Variants in DGCR2 observed in about 807,000 individuals in gnomAD.
DGCR2 encodes the protein DiGeorge syndrome critical region gene 2.
A neutral mutation model predicts 51.6 loss-of-function variants in DGCR2; 24 were observed. That is an observed-to-expected ratio of 0.47 (90% CI 0.34 to 0.65). The LOEUF (loss-of-function observed/expected upper bound fraction) is 0.65, where lower values mean the gene tolerates loss of function less well. Among genes scored for constraint, DGCR2 ranks in the 30% least tolerant of loss-of-function variants. DGCR2 has a pLI of 0.01. For missense variants in DGCR2, 765 were observed against 772.1 expected (o/e 0.99, Z 0.11); for synonymous variants, 340 against 315.4 (o/e 1.08, Z -0.82).
chr22:19,104,391 T>TTA (rs2083240527), intron 1 of DGCR2, among the ~76,000 whole-genome samples: 3 of 41,418 alleles, frequency 7.2e-5, no homozygotes, highest in African/African-American at 6.9e-4. Flanking sequence ...CAAGGCTGTC[T>TTA]CAAACTGAGC....
At chr22:19,050,830 G>GA (rs977351494) in intron 6 of DGCR2, among the ~76,000 whole-genome samples, 20 of 151,976 alleles carry the variant, frequency 1.3e-4, no homozygotes, top group Admixed American at 3.9e-4. Flanking sequence ...AAAATTTTAG[G>GA]AAAAAAACAC....
intron 2 of DGCR2, among the ~76,000 whole-genome samples, chr22:19,081,978 T>C (rs2082941080): frequency 6.6e-6 from 1 of 152,154 alleles, no homozygotes. Flanking sequence ...CCTTATCCTT[T>C]ACAGGCTGTA....
chr22:19,066,437 A>C (rs551538302), intron 3 of DGCR2, among the ~76,000 whole-genome samples: 145 of 152,202 alleles, frequency 9.5e-4, no homozygotes, highest in African/African-American at 3.1e-3. Context: ...AACAAACAAA[A>C]AAAAACAAAA....
chr22:19,056,308 C>T (rs1450946296), intron 6 of DGCR2: 1 of 209,300 alleles, frequency 4.8e-6, no homozygotes. Context: ...GAGCGAGACT[C>T]TGTCCCAAAA....
chr22:19,109,455 C>G (rs2083292368), intron 1 of DGCR2, among the ~76,000 whole-genome samples: 1 of 152,142 alleles, frequency 6.6e-6, no homozygotes, highest in African/African-American at 2.4e-5. Flanking sequence ...TACAACTCAG[C>G]CTTAAAAAGA....
At chr22:19,117,791 G>A (rs2083388974) in intron 1 of DGCR2, among the ~76,000 whole-genome samples, 1 of 152,114 alleles carries the variant, frequency 6.6e-6, no homozygotes, top group East Asian at 1.9e-4. Flanking sequence ...GAAAAAAAAG[G>A]AAAATTCATT....
At chr22:19,103,575 C>T (rs1273644907) in intron 1 of DGCR2, among the ~76,000 whole-genome samples, 2 of 149,730 alleles carry the variant, frequency 1.3e-5, no homozygotes, top group East Asian at 1.9e-4. Context: ...AGATTAGGCG[C>T]GCACCATCAC....
At chr22:19,117,768 T>C (rs1432408812) in intron 1 of DGCR2, among the ~76,000 whole-genome samples, 1 of 152,216 alleles carries the variant, frequency 6.6e-6, no homozygotes, top group Non-Finnish European at 1.5e-5. Flanking sequence ...AATAAAAGTT[T>C]TCTTTTTGTC....
At chr22:19,045,355 T>C (rs540551771) in intron 7 of DGCR2, 3 of 137,986 alleles carry the variant, frequency 2.2e-5, no homozygotes, top group African/African-American at 8.5e-5. Flanking sequence ...CGACTGCACT[T>C]GACTCGTCTT....
intron 2 of DGCR2, among the ~76,000 whole-genome samples, chr22:19,085,173 G>A (rs191702539): frequency 6.6e-6 from 1 of 151,246 alleles, no homozygotes; most frequent in Non-Finnish European, 1.5e-5. Context: ...TTTCTAACAC[G>A]AAGGGTTTAA....
chr22:19,089,128 C>T (rs2083049714), intron 2 of DGCR2, among the ~76,000 whole-genome samples: 1 of 152,226 alleles, frequency 6.6e-6, no homozygotes, highest in Non-Finnish European at 1.5e-5. Flanking sequence ...TAAGTGGAGC[C>T]TCCTGGGCAT....
At chr22:19,109,733 C>T (rs1473413556) in intron 1 of DGCR2, among the ~76,000 whole-genome samples, 2 of 152,104 alleles carry the variant, frequency 1.3e-5, no homozygotes, top group African/African-American at 4.8e-5. Context: ...CTACTGAACA[C>T]TGAATGAACT....
chr22:19,122,175 A>C lies in DGCR2; in HGVS notation c.32T>G (p.Leu11Arg). The part of the protein sequence containing the change: MVPKADSGAF[L>R]LLFLLVLTVT... ...AGTGAGCACGAGCAGGAAGAGCAGC[A>C]GGAAGGCGCCGCTGTCTGCCTTGGG... The change falls in exon 1 of 10, where the codon CTG becomes CGG. Residue 11 changes from leucine (L) to arginine (R), a missense_variant. Physicochemically the swap from Leu to Arg is moderately radical, Grantham distance 102. Coordinates refer to ENST00000263196, the MANE Select transcript of DGCR2 (RefSeq NM_005137.3). 6.6e-7 allele frequency: 1 copy of C among 1,511,818 alleles called. No homozygotes were observed. The highest frequency in any genetic ancestry group is 2.1e-5 in the Admixed American group (1 of 46,722). The allele number at this position is 1,511,818 out of a possible 1,614,324, so 93.7% of individuals were successfully genotyped here. A position where few individuals can be genotyped will look rare whatever the true frequency, so the allele number is the denominator to read the frequency against.
chr22:19,121,815 C>A, intron 1 of DGCR2: 1 of 208,750 alleles, frequency 4.8e-6, no homozygotes. Flanking sequence ...GCCACTGTCC[C>A]CAGCCCGACT....
Position 19,041,968 on chromosome 22 carries a change from G to A in DGCR2, c.1007-9C>T, listed in dbSNP as rs372932177. On this transcript the variant is annotated splice_polypyrimidine_tract_variant and intron_variant, in intron 7 of 9. Transcript: ENST00000263196. The stretch of plus-strand genomic sequence containing the variant: ...AAACAGACTGTTGCCATCTGAGGGG[G>A]AGGGGAGGAAATGGCCGCTCTGAGA... The A allele has an allele frequency of 6.2e-6, 10 of 1,611,044 alleles. No individual in the cohort carries two copies. In the Admixed American group the frequency reaches 1.3e-4, roughly 22 times the overall value.
Position 19,038,780 on chromosome 22 carries a change from CA to C in DGCR2, c.*84del. 1.3e-6 allele frequency: 2 copies of C among 1,541,890 alleles called. No homozygotes were observed. The highest frequency in any genetic ancestry group is 2.3e-5 in the East Asian group (1 of 44,148). ...GCAGTGCGTGGCGTCCAGGCTGGGACAGGGGCCTTTCAAGTCTCCCCAGGGA... is the reference window on the plus strand; with the variant it reads ...GCAGTGCGTGGCGTCCAGGCTGGGACGGGGCCTTTCAAGTCTCCCCAGGGA... On this transcript the variant is annotated 3_prime_UTR_variant, in exon 10 of 10. Transcript: ENST00000263196.
intron 7 of DGCR2, among the ~76,000 whole-genome samples, chr22:19,042,600 A>G (rs6518516): frequency 0.41 from 62,812 of 152,086 alleles, 13,417 homozygotes; most frequent in African/African-American, 0.53. Flanking sequence ...CGGCTGCCGT[A>G]GGGAGGACAG....
intron 1 of DGCR2, 155 bp downstream of exon 1, chr22:19,121,973 G>C: frequency 2.8e-6 from 1 of 352,384 alleles, no homozygotes; most frequent in Non-Finnish European, 4.7e-6. Flanking sequence ...GCAGGCGTCC[G>C]CAGAGAGTGC....
intron 2 of DGCR2, among the ~76,000 whole-genome samples, chr22:19,081,509 T>A (rs916945): frequency 0.17 from 26,031 of 152,198 alleles, 2,406 homozygotes; most frequent in South Asian, 0.28. Context: ...TGTATAACAT[T>A]CCATCATGTG....
Sources: gnomAD v4.1 joint callset for allele counts (sites outside exome capture counted in the v4.1 genomes callset) on GRCh38, gnomAD v4.1.1 for gene constraint, MANE v1.5 for transcripts, NCBI Gene and HGNC (gene_info 2026-07-23, HGNC 2026-07-21) for gene names.